NRG1: variants seen among roughly 807,000 people sequenced by gnomAD.
NRG1 encodes neuregulin 1, also known as pro-neuregulin-1, membrane-bound isoform.
Under a neutral mutation model 63.8 loss-of-function variants are expected in NRG1, and 18 were observed. The ratio of observed to expected loss-of-function variants is 0.28; its 90% CI spans 0.19 to 0.42. The LOEUF (loss-of-function observed/expected upper bound fraction) is 0.42, where lower values mean the gene tolerates loss of function less well. Among genes scored for constraint, NRG1 ranks in the 10% least tolerant of loss-of-function variants. NRG1 has a pLI of 1.00. For synonymous variants in NRG1, 302 were observed against 301.3 expected, an observed-to-expected ratio of 1.00 and a Z score of -0.02; for missense variants, 762 against 814.7, an observed-to-expected ratio of 0.94 and a Z score of 0.79.
At chr8:32,173,591 A>G (rs7463335) in intron 1 of NRG1, among the ~76,000 whole-genome samples, 73,213 of 151,820 alleles carry the variant, frequency 0.48, 19,055 homozygotes, top group Admixed American at 0.6. Context: ...GTATTCAGGA[A>G]ACCCATCTCA....
chr8:31,664,123 C>G (rs1483272667), intron 1 of NRG1, among the ~76,000 whole-genome samples: 2 of 152,150 alleles, frequency 1.3e-5, no homozygotes, highest in Non-Finnish European at 1.5e-5. Context: ...TAGTACCAAA[C>G]TTTCCACCAA....
chr8:32,615,978 GA>G (rs1227826434), intron 4 of NRG1, among the ~76,000 whole-genome samples: 1 of 151,994 alleles, frequency 6.6e-6, no homozygotes, highest in South Asian at 2.1e-4. Context: ...ATGCCATTAG[GA>G]AAAAAAGAGC....
chr8:32,046,742 C>T (rs937266350), intron 1 of NRG1, among the ~76,000 whole-genome samples: 5 of 151,826 alleles, frequency 3.3e-5, no homozygotes, highest in African/African-American at 7.3e-5. Context: ...TATGGTGGAA[C>T]GAAATCAGTG....
chr8:31,885,298 A>C (rs987696479), intron 1 of NRG1, among the ~76,000 whole-genome samples: 5 of 152,154 alleles, frequency 3.3e-5, no homozygotes, highest in African/African-American at 1.2e-4. Context: ...ATGAATAGTT[A>C]CTGGAGGACA....
chr8:31,714,254 G>T (rs1044308219), intron 1 of NRG1, among the ~76,000 whole-genome samples: 1 of 151,944 alleles, frequency 6.6e-6, no homozygotes, highest in Non-Finnish European at 1.5e-5. Flanking sequence ...CAAGTGGAAG[G>T]TTATTTATTC....
At chr8:32,113,610 C>A (rs548774195) in intron 1 of NRG1, among the ~76,000 whole-genome samples, 1 of 152,250 alleles carries the variant, frequency 6.6e-6, no homozygotes, top group Admixed American at 6.5e-5. Context: ...ATTCTTTATT[C>A]TTCATAGAAT....
intron 1 of NRG1, among the ~76,000 whole-genome samples, chr8:32,530,635 T>TA (rs1831364251): frequency 6.6e-6 from 1 of 152,244 alleles, no homozygotes; most frequent in Admixed American, 6.5e-5. Flanking sequence ...GTCACATCCC[T>TA]ATTCCACATT....
chr8:31,646,272 C>T (rs776491975), intron 1 of NRG1, among the ~76,000 whole-genome samples: 3 of 152,150 alleles, frequency 2.0e-5, no homozygotes, highest in East Asian at 1.9e-4. Flanking sequence ...TGCATGAATC[C>T]GGAGCTAGTA....
chr8:31,820,780 G>A (rs758268092), intron 1 of NRG1, among the ~76,000 whole-genome samples: 5 of 152,182 alleles, frequency 3.3e-5, no homozygotes, highest in African/African-American at 4.8e-5. Flanking sequence ...AGTCATCTGA[G>A]GGTTTAATGT....
intron 1 of NRG1, among the ~76,000 whole-genome samples, chr8:32,286,594 T>G (rs1216329735): frequency 6.6e-6 from 1 of 152,248 alleles, no homozygotes; most frequent in African/African-American, 2.4e-5. Context: ...TTCTCACTCT[T>G]AGTTCTTGAG....
chr8:31,647,856 C>G (rs1189506622), intron 1 of NRG1, among the ~76,000 whole-genome samples: 1 of 152,070 alleles, frequency 6.6e-6, no homozygotes, highest in Non-Finnish European at 1.5e-5. Flanking sequence ...TATAAAACAC[C>G]CTAGCATTTT....
At chr8:32,516,773 T>C (rs1235108352) in intron 1 of NRG1, among the ~76,000 whole-genome samples, 1 of 152,186 alleles carries the variant, frequency 6.6e-6, no homozygotes, top group Non-Finnish European at 1.5e-5. Flanking sequence ...ACAAAAATGT[T>C]CCATTAGCTA....
In NRG1 at chr8:32,296,595, G is replaced by A. The variant is rs114089185; in HGVS notation, c.38-299233G>A. 7.6e-3 allele frequency among the ~76,000 whole-genome samples: 1,003 copies of A among 131,464 alleles called. 20 individuals are homozygous for A. Among genetic ancestry groups the A allele is most frequent in the African/African-American group, 0.027 (951 of 35,008 alleles). 86.2% of individuals were successfully genotyped at this position (131,464 alleles called of 152,430 possible). A position where few individuals can be genotyped will look rare whatever the true frequency, so the allele number is the denominator to read the frequency against. On this transcript the variant is annotated intron_variant, in intron 1 of 10. Coordinates refer to the NRG1 transcript ENST00000519301. ...TGTGCCATGGCACTCCAGCCTGGGCGACAAGAGTGAAACTTTGTCCCAAAA... is the reference window on the plus strand; with the variant it reads ...TGTGCCATGGCACTCCAGCCTGGGCAACAAGAGTGAAACTTTGTCCCAAAA...
intron 1 of NRG1, among the ~76,000 whole-genome samples, chr8:31,756,151 C>A (rs1563364379): frequency 6.6e-6 from 1 of 152,134 alleles, no homozygotes; most frequent in East Asian, 1.9e-4. Flanking sequence ...TGAGAGGAGA[C>A]AACTGAAGTC....
At chr8:32,172,942 A>C (rs111632196) in intron 1 of NRG1, among the ~76,000 whole-genome samples, 1 of 152,200 alleles carries the variant, frequency 6.6e-6, no homozygotes, top group Non-Finnish European at 1.5e-5. Context: ...GAGAACTTCC[A>C]CAATCTAGCA....
intron 5 of NRG1, among the ~76,000 whole-genome samples, chr8:32,699,744 C>T (rs994354248): frequency 1.3e-5 from 2 of 152,000 alleles, no homozygotes; most frequent in Non-Finnish European, 2.9e-5. Context: ...TAGAAACATG[C>T]TAATATTACA....
chr8:32,051,498 T>C (rs868224249), intron 1 of NRG1, among the ~76,000 whole-genome samples: 2 of 152,192 alleles, frequency 1.3e-5, no homozygotes, highest in African/African-American at 4.8e-5. Context: ...AGACAGGGTA[T>C]GTAAATGTGG....
At chr8:31,709,186 A>AT (rs1194325047) in intron 1 of NRG1, among the ~76,000 whole-genome samples, 18 of 142,876 alleles carry the variant, frequency 1.3e-4, no homozygotes, top group Non-Finnish European at 1.8e-4. Context: ...CAAATGATTT[A>AT]TTTTTTTTTA....
At chr8:32,314,490 A>T (rs979666069) in intron 1 of NRG1, among the ~76,000 whole-genome samples, 2 of 152,184 alleles carry the variant, frequency 1.3e-5, no homozygotes, top group African/African-American at 4.8e-5. Flanking sequence ...GGTTGGCTCC[A>T]GCAATAAGCC....
Sources: gnomAD v4.1 joint callset for allele counts (sites outside exome capture counted in the v4.1 genomes callset) on GRCh38, gnomAD v4.1.1 for gene constraint, MANE v1.5 for transcripts, NCBI Gene and HGNC (gene_info 2026-07-23, HGNC 2026-07-21) for gene names.